AFF3: variants seen among roughly 807,000 people sequenced by gnomAD.
AFF3 encodes ALF transcription elongation factor 3, also known as AF4/FMR2 family member 3.
AFF3 carries 32 observed loss-of-function variants against 129.7 expected under a neutral mutation model. That is an observed-to-expected ratio of 0.25 (90% confidence interval 0.19 to 0.33). AFF3 has a LOEUF of 0.33. Among genes scored for constraint, AFF3 ranks in the 10% least tolerant of loss-of-function variants. The pLI, the probability that AFF3 is intolerant of heterozygous loss-of-function variation, is 1.00. For missense variants in AFF3, 1,373 were observed against 1,592.0 expected, an observed-to-expected ratio of 0.86 and a Z score of 2.34; for synonymous variants, 644 against 635.4, an observed-to-expected ratio of 1.01 and a Z score of -0.20.
chr2:100,106,866 G>C, intron 2 of AFF3: 2 of 985,464 alleles, frequency 2.0e-6, no homozygotes, highest in Non-Finnish European at 2.4e-6. Flanking sequence ...GATGATCCCA[G>C]AAAAGGAAAG....
chr2:99,808,787 C>G (rs1018627198), intron 8 of AFF3, among the ~76,000 whole-genome samples: 1 of 152,218 alleles, frequency 6.6e-6, no homozygotes, highest in Non-Finnish European at 1.5e-5. Context: ...GAAGCAGCCC[C>G]CTGCCTTGGC....
intron 11 of AFF3, among the ~76,000 whole-genome samples, chr2:99,690,950 G>T (rs190315138): frequency 4.1e-4 from 62 of 152,090 alleles, no homozygotes; most frequent in African/African-American, 1.5e-3. Context: ...GGCATGCTGG[G>T]TGTGTTTCTG....
intron 7 of AFF3, among the ~76,000 whole-genome samples, chr2:99,996,229 A>G (rs1280948560): frequency 1.3e-5 from 2 of 152,226 alleles, no homozygotes; most frequent in Non-Finnish European, 2.9e-5. Context: ...AGTGGTTACA[A>G]TAAGTAAGGA....
At chr2:99,713,504 T>C (rs1372836456) in intron 11 of AFF3, among the ~76,000 whole-genome samples, 1 of 151,744 alleles carries the variant, frequency 6.6e-6, no homozygotes, top group Non-Finnish European at 1.5e-5. Flanking sequence ...CCTGACCTCA[T>C]GATCCGCCCG....
At chr2:99,670,923 G>A (rs1339455431) in intron 12 of AFF3, among the ~76,000 whole-genome samples, 1 of 152,156 alleles carries the variant, frequency 6.6e-6, no homozygotes, top group African/African-American at 2.4e-5. Context: ...AGTACAGAAT[G>A]GAAGGGGGTA....
intron 15 of AFF3, among the ~76,000 whole-genome samples, chr2:99,588,554 A>G (rs1678350137): frequency 1.3e-5 from 2 of 152,130 alleles, no homozygotes; most frequent in Admixed American, 1.3e-4. Context: ...GATAACAGGA[A>G]CCTAGTATGG....
intron 4 of AFF3, among the ~76,000 whole-genome samples, chr2:100,067,114 A>G (rs1429305247): frequency 6.6e-6 from 1 of 150,528 alleles, no homozygotes; most frequent in African/African-American, 2.5e-5. Context: ...CATCTAAACC[A>G]TCTTACCCAT....
At chr2:99,733,358 C>T (rs1232151323) in intron 10 of AFF3, among the ~76,000 whole-genome samples, 9 of 139,858 alleles carry the variant, frequency 6.4e-5, no homozygotes, top group East Asian at 4.3e-4. Context: ...CCAGCCTGGG[C>T]GACAGAGCGA....
At chr2:99,699,046 C>T (rs953788294) in intron 11 of AFF3, among the ~76,000 whole-genome samples, 1 of 152,188 alleles carries the variant, frequency 6.6e-6, no homozygotes, top group Non-Finnish European at 1.5e-5. Context: ...CTCAGAATGC[C>T]AGTTCCTTAC....
At chr2:99,656,144 G>A (rs1256591452) in intron 12 of AFF3, among the ~76,000 whole-genome samples, 1 of 152,190 alleles carries the variant, frequency 6.6e-6, no homozygotes, top group South Asian at 2.1e-4. Context: ...TAGCTAGCTG[G>A]ATGCATGCGA....
intron 11 of AFF3, among the ~76,000 whole-genome samples, chr2:99,709,010 A>C (rs1398180245): frequency 1.3e-5 from 2 of 152,230 alleles, no homozygotes; most frequent in South Asian, 2.1e-4. Flanking sequence ...TGAAGAAGGA[A>C]GAGAAACAGA....
chr2:99,550,220 C>A lies in AFF3; in HGVS notation c.*1254G>T. ...AAGAAAACAAGAGAAAAACTCAGAGCAAGGTGTAAACATACCAGACACACA... is the reference window on the plus strand; with the variant it reads ...AAGAAAACAAGAGAAAAACTCAGAGAAAGGTGTAAACATACCAGACACACA... On this transcript the variant is annotated 3_prime_UTR_variant, in exon 25 of 25. Coordinates refer to ENST00000672756, the MANE Select transcript of AFF3 (RefSeq NM_001386135.1). The A allele has an allele frequency of 4.3e-6, 1 of 230,984 alleles. No individual in the cohort carries two copies. The highest frequency in any genetic ancestry group is 8.6e-6 in the Non-Finnish European group (1 of 116,646). 14.3% of individuals were successfully genotyped at this position (230,984 alleles called of 1,614,324 possible).
chr2:99,813,431 A>G (rs993513760), intron 8 of AFF3, among the ~76,000 whole-genome samples: 3 of 152,152 alleles, frequency 2.0e-5, no homozygotes, highest in Admixed American at 6.6e-5. Context: ...TTAAAAGAGG[A>G]CTAGGTCTTA....
intron 1 of AFF3, among the ~76,000 whole-genome samples, chr2:100,130,416 C>T (rs1399557185): frequency 6.6e-6 from 1 of 152,190 alleles, no homozygotes; most frequent in Non-Finnish European, 1.5e-5. Context: ...GAAGAGTGCA[C>T]CCCATGGGCA....
At chr2:100,036,778 T>C (rs978236390) in intron 4 of AFF3, among the ~76,000 whole-genome samples, 2 of 133,326 alleles carry the variant, frequency 1.5e-5, no homozygotes, top group African/African-American at 5.7e-5. Context: ...GAGGTGGGGG[T>C]GAAGAGGGAG....
At chr2:99,683,077 T>C (rs1456380104) in intron 11 of AFF3, among the ~76,000 whole-genome samples, 1 of 152,232 alleles carries the variant, frequency 6.6e-6, no homozygotes, top group Non-Finnish European at 1.5e-5. Context: ...CTATGTTAAG[T>C]GTCTACTTGA....
intron 7 of AFF3, among the ~76,000 whole-genome samples, chr2:99,840,954 T>C (rs559939275): frequency 6.6e-6 from 1 of 152,314 alleles, no homozygotes; most frequent in South Asian, 2.1e-4. Context: ...GTCCCAACCA[T>C]TTCCTACTGC....
chr2:99,974,937 A>C (rs1678731320), intron 7 of AFF3, among the ~76,000 whole-genome samples: 1 of 152,230 alleles, frequency 6.6e-6, no homozygotes, highest in Admixed American at 6.5e-5. Flanking sequence ...GGTGAAAGGA[A>C]GAAAACATCA....
chr2:99,646,467 T>C lies in AFF3; in HGVS notation c.1184+3159A>G, dbSNP rs1020010298. Among the ~76,000 whole-genome samples the C allele has an allele frequency of 2.6e-4, 40 of 152,148 alleles. 1 individual carries two copies. The highest frequency in any genetic ancestry group is 2.4e-3 in the Admixed American group (37 of 15,278). ...CAAAGATGAAGGCATGAGCTAATCA[T>C]TATGAAATTTTATATAAAGAGGTGA... On this transcript the variant is annotated intron_variant, in intron 13 of 24. Transcript: ENST00000672756.
Sources: gnomAD v4.1 joint callset for allele counts (sites outside exome capture counted in the v4.1 genomes callset) on GRCh38, gnomAD v4.1.1 for gene constraint, MANE v1.5 for transcripts, NCBI Gene and HGNC (gene_info 2026-07-23, HGNC 2026-07-21) for gene names.